Variants in CBLB observed in about 807,000 individuals in gnomAD.
The protein encoded by CBLB is Cbl proto-oncogene B, also known as E3 ubiquitin-protein ligase CBL-B.
CBLB carries 31 observed loss-of-function variants against 104.9 expected under a neutral mutation model. The ratio of observed to expected loss-of-function variants is 0.30; its 90% CI spans 0.22 to 0.40. The LOEUF is 0.40. Among genes scored for constraint, CBLB ranks in the 10% least tolerant of loss-of-function variants. The probability of loss-of-function intolerance (pLI) is 1.00; values close to 1 mark genes in which losing one functional copy is unlikely to be tolerated. For synonymous variants in CBLB, 440 were observed against 422.6 expected, an observed-to-expected ratio of 1.04 and a Z score of -0.51; for missense variants, 1,062 against 1,214.6, an observed-to-expected ratio of 0.87 and a Z score of 1.87.
At chr3:105,730,781 C>A (rs1038623952) in intron 9 of CBLB, among the ~76,000 whole-genome samples, 1 of 152,078 alleles carries the variant, frequency 6.6e-6, no homozygotes, top group Non-Finnish European at 1.5e-5. Flanking sequence ...AAGACAATAA[C>A]ATTACTGTCT....
chr3:105,799,971 G>A (rs1205616393), intron 3 of CBLB, among the ~76,000 whole-genome samples: 1 of 152,076 alleles, frequency 6.6e-6, no homozygotes, highest in Non-Finnish European at 1.5e-5. Flanking sequence ...AGCAGCCAGG[G>A]ACATAATTTT....
At chr3:105,733,446 T>C (rs139774162) in intron 9 of CBLB, among the ~76,000 whole-genome samples, 2 of 152,272 alleles carry the variant, frequency 1.3e-5, no homozygotes, top group African/African-American at 2.4e-5. Context: ...ATTTATTGAA[T>C]GCCTGCGGCA....
intron 6 of CBLB, among the ~76,000 whole-genome samples, chr3:105,741,367 TTTG>T (rs747645512): frequency 7.1e-4 from 108 of 151,690 alleles, no homozygotes; most frequent in Non-Finnish European, 1.1e-3. Flanking sequence ...TTTTTGTATT[TTTG>T]TTGTTGTTGT....
intron 3 of CBLB, among the ~76,000 whole-genome samples, chr3:105,778,347 T>C (rs2079730787): frequency 6.6e-6 from 1 of 152,142 alleles, no homozygotes; most frequent in Admixed American, 6.5e-5. Flanking sequence ...TAATAATAAC[T>C]CATGTTTTTT....
chr3:105,712,890 G>T (rs1344095010), intron 10 of CBLB, among the ~76,000 whole-genome samples: 37 of 152,062 alleles, frequency 2.4e-4, no homozygotes, highest in Admixed American at 2.4e-3. Flanking sequence ...ACATCTAAAA[G>T]AAAACCTTCC....
chr3:105,788,036 T>C (rs1470415051), intron 3 of CBLB, among the ~76,000 whole-genome samples: 2 of 152,174 alleles, frequency 1.3e-5, no homozygotes, highest in Admixed American at 1.3e-4. Flanking sequence ...GAAGCTGACT[T>C]ATTTATTTGC....
chr3:105,839,674 C>T (rs1365274250), intron 3 of CBLB, among the ~76,000 whole-genome samples: 1 of 152,182 alleles, frequency 6.6e-6, no homozygotes, highest in Non-Finnish European at 1.5e-5. Context: ...GCCATTGTAG[C>T]CACAGACAGT....
chr3:105,796,654 A>G (rs2082285252), intron 3 of CBLB, among the ~76,000 whole-genome samples: 1 of 152,204 alleles, frequency 6.6e-6, no homozygotes, highest in Non-Finnish European at 1.5e-5. Context: ...CAGACAACCT[A>G]CAGAATGGGA....
chr3:105,862,904 G>T (rs370025106), intron 2 of CBLB, among the ~76,000 whole-genome samples: 1 of 151,972 alleles, frequency 6.6e-6, no homozygotes, highest in South Asian at 2.1e-4. Context: ...GCAAGCAACG[G>T]TTCACCTCTA....
intron 3 of CBLB, among the ~76,000 whole-genome samples, chr3:105,785,120 C>T (rs1312338282): frequency 6.6e-6 from 1 of 152,140 alleles, no homozygotes; most frequent in South Asian, 2.1e-4. Context: ...GCTCTATCAG[C>T]GCACATCTTT....
At chr3:105,767,400 A>G (rs1039921025) in intron 4 of CBLB, among the ~76,000 whole-genome samples, 1 of 152,076 alleles carries the variant, frequency 6.6e-6, no homozygotes, top group Non-Finnish European at 1.5e-5. Flanking sequence ...GAAACCAAAG[A>G]AGGCCCTTAT....
intron 3 of CBLB, among the ~76,000 whole-genome samples, chr3:105,811,093 G>A (rs1402663088): frequency 1.3e-5 from 2 of 152,152 alleles, no homozygotes; most frequent in African/African-American, 4.8e-5. Flanking sequence ...AGTGATTAAA[G>A]AGTATTTTTC....
intron 16 of CBLB, among the ~76,000 whole-genome samples, chr3:105,680,612 G>C (rs953063853): frequency 1.3e-5 from 2 of 152,178 alleles, no homozygotes; most frequent in Non-Finnish European, 2.9e-5. Context: ...ACTACAGAGA[G>C]AACAGGAGCA....
chr3:105,860,948 T>G (rs1181547019), intron 2 of CBLB, among the ~76,000 whole-genome samples: 3 of 152,130 alleles, frequency 2.0e-5, no homozygotes, highest in Admixed American at 6.5e-5. Context: ...GCTTTAATAT[T>G]TTTTTAAATC....
In CBLB at chr3:105,678,526, G is replaced by T. The variant is rs1015871086; in HGVS notation, c.2474C>A (p.Pro825Gln). 10 of 1,613,648 alleles carry T rather than the reference G, an allele frequency of 6.2e-6. No homozygotes were observed. The highest frequency in any genetic ancestry group is 7.6e-6 in the Non-Finnish European group (9 of 1,179,730). Residue 825 changes from proline (P) to glutamine (Q), a missense_variant, in exon 17 of 19, where the codon CCA becomes CAA. By Grantham distance (76) the Pro-to-Gln change is moderately conservative (BLOSUM62 -1). Transcript: ENST00000394030. ...DALPPSLPPP[P>Q]PPARHSLIEH... is the part of the protein sequence containing the mutation. ...AATGAGACTATGCCTTGCAGGAGGT[G>T]GGGGAGGTGGGAGAGATGGAGGGAG...
chr3:105,704,947 C>A (rs890081725), intron 10 of CBLB, among the ~76,000 whole-genome samples: 13 of 152,052 alleles, frequency 8.5e-5, no homozygotes, highest in African/African-American at 3.1e-4. Flanking sequence ...TGTTTTAATG[C>A]AGCATAACCT....
intron 9 of CBLB, 146 bp downstream of exon 9, chr3:105,733,863 T>C (rs2074610066): frequency 1.5e-6 from 1 of 653,146 alleles, no homozygotes; most frequent in African/African-American, 1.8e-5. Context: ...TCAAATTATA[T>C]ATAGCAACTC....
At chr3:105,856,348 CAAAAAAAAAAAA>C (rs1169479720) in intron 2 of CBLB, among the ~76,000 whole-genome samples, 2 of 31,092 alleles carry the variant, frequency 6.4e-5, no homozygotes, top group Non-Finnish European at 1.3e-4. Flanking sequence ...GACTCCATCT[CAAAAAAAAAAAA>C]AAAAAAAAGA....
chr3:105,777,597 G>A (rs2079635878), intron 3 of CBLB, among the ~76,000 whole-genome samples: 1 of 152,090 alleles, frequency 6.6e-6, no homozygotes, highest in Non-Finnish European at 1.5e-5. Flanking sequence ...CTTCAGCATG[G>A]GTAACAGGGT....
Sources: gnomAD v4.1 joint callset for allele counts (sites outside exome capture counted in the v4.1 genomes callset) on GRCh38, gnomAD v4.1.1 for gene constraint, MANE v1.5 for transcripts, NCBI Gene and HGNC (gene_info 2026-07-23, HGNC 2026-07-21) for gene names.